Variants in PYGO1 observed in about 807,000 individuals in gnomAD.
PYGO1 encodes the protein pygopus homolog 1.
Under a neutral mutation model 29.5 loss-of-function variants are expected in PYGO1, and 6 were observed. The ratio of observed to expected loss-of-function variants is 0.20; its 90% CI spans 0.11 to 0.40. The LOEUF is 0.40. Among genes scored for constraint, PYGO1 ranks in the 10% least tolerant of loss-of-function variants. The pLI, the probability that PYGO1 is intolerant of heterozygous loss-of-function variation, is 1.00. For synonymous variants in PYGO1, 186 were observed against 180.5 expected (o/e 1.03, Z -0.24); for missense variants, 515 against 514.9 (o/e 1.00, Z 0.00).
At chr15:55,558,897 G>A (rs868773681) in intron 1 of PYGO1, among the ~76,000 whole-genome samples, 15 of 151,706 alleles carry the variant, frequency 9.9e-5, no homozygotes, top group Admixed American at 3.9e-4. Flanking sequence ...GAAAACCTAG[G>A]CAATACCATT....
chr15:55,562,377 A>G (rs1304156706), intron 1 of PYGO1, among the ~76,000 whole-genome samples: 2 of 152,222 alleles, frequency 1.3e-5, no homozygotes, highest in Non-Finnish European at 2.9e-5. Context: ...TGCTATAAAA[A>G]TACATGCACA....
chr15:55,550,330 G>A (rs1033775510), intron 1 of PYGO1, among the ~76,000 whole-genome samples: 1 of 152,104 alleles, frequency 6.6e-6, no homozygotes. Flanking sequence ...TTTTGCTAGG[G>A]TCTTCCAACG....
At chr15:55,580,068 G>A (rs1432937265) in intron 1 of PYGO1, among the ~76,000 whole-genome samples, 1 of 152,174 alleles carries the variant, frequency 6.6e-6, no homozygotes. Flanking sequence ...AGGAGAGTAG[G>A]TGGATGGTAT....
In PYGO1 at chr15:55,546,930, T is replaced by C. The variant is rs2058854493; in HGVS notation, c.353A>G (p.Tyr118Cys). 6.2e-7 allele frequency: 1 copy of C among 1,613,980 alleles called. No homozygotes were observed. Among genetic ancestry groups the C allele is most frequent in the East Asian group, 2.2e-5 (1 of 44,878 alleles). ...GTTCCTGAGTGAGTAAGGACCACAG[T>C]ATGGGGAAGACATTCTTGGGGGAAC... is the stretch of plus-strand genomic sequence containing the variant. ...PHVPPRMSSP[Y>C]CGPYSLRNQP... Residue 118 changes from tyrosine (Y) to cysteine (C), a missense_variant, in exon 3 of 3, where the codon TAC becomes TGC. Tyr to Cys is a radical substitution (Grantham distance 194). Transcript: ENST00000563719.
At chr15:55,547,872 G>A (rs936460295) in intron 2 of PYGO1, among the ~76,000 whole-genome samples, 2 of 152,124 alleles carry the variant, frequency 1.3e-5, no homozygotes, top group East Asian at 1.9e-4. Flanking sequence ...TGATTGCTTC[G>A]TGATATGCAC....
chr15:55,575,738 A>G (rs1213084524), intron 1 of PYGO1, among the ~76,000 whole-genome samples: 1 of 152,160 alleles, frequency 6.6e-6, no homozygotes. Flanking sequence ...CACTTGCAGA[A>G]ACAGACTTCT....
chr15:55,548,795 T>C (rs553788422), intron 2 of PYGO1, 115 bp downstream of exon 2: 93 of 505,744 alleles, frequency 1.8e-4, no homozygotes, highest in African/African-American at 1.3e-3. Flanking sequence ...CAATGAATGA[T>C]TAAAAGTACA....
intron 1 of PYGO1, among the ~76,000 whole-genome samples, chr15:55,583,095 C>G (rs923484262): frequency 6.6e-6 from 1 of 152,152 alleles, no homozygotes; most frequent in Non-Finnish European, 1.5e-5. Flanking sequence ...CTTTCTTTCT[C>G]CATTCTCTTT....
chr15:55,581,621 T>A (rs761888177), intron 1 of PYGO1, among the ~76,000 whole-genome samples: 1 of 152,184 alleles, frequency 6.6e-6, no homozygotes, highest in African/African-American at 2.4e-5. Flanking sequence ...TATATGTTAC[T>A]TAAGCACATA....
intron 1 of PYGO1, among the ~76,000 whole-genome samples, chr15:55,559,531 G>T (rs1055756435): frequency 6.6e-6 from 1 of 152,118 alleles, no homozygotes. Flanking sequence ...ACATGCACAC[G>T]TATGTTTACT....
chr15:55,545,922 T>C lies in PYGO1; in HGVS notation c.*101A>G. ...ATAAAAACTAAGTAAATAATGTTTT[T>C]GTGTATGCATTTAAAAAAATAATGT... On this transcript the variant is annotated 3_prime_UTR_variant, in exon 3 of 3. Transcript: ENST00000563719. 1 of 1,271,998 alleles carries C rather than the reference T, an allele frequency of 7.9e-7. No individual in the cohort carries two copies. The highest frequency in any genetic ancestry group is 1.1e-6 in the Non-Finnish European group (1 of 926,052). The allele number at this position is 1,271,998 out of a possible 1,614,324, so 78.8% of individuals were successfully genotyped here.
chr15:55,546,746 A>AT lies in PYGO1; in HGVS notation c.536dup (p.Asn179LysfsTer4). ...GAATTTGACTGAAATTTTCAGCAGG[A>AT]TTTTGTCTAAAATGTTGATTAGGCA... On this transcript the variant is annotated frameshift_variant, in exon 3 of 3. Transcript: ENST00000563719. LOFTEE classifies it high-confidence loss of function. 3 of 1,614,060 alleles carry AT rather than the reference A, an allele frequency of 1.9e-6. No individual in the cohort carries two copies.
At chr15:55,561,757 A>G (rs796934290) in intron 1 of PYGO1, among the ~76,000 whole-genome samples, 6 of 152,298 alleles carry the variant, frequency 3.9e-5, no homozygotes, top group East Asian at 1.9e-4. Context: ...AAAAACACTA[A>G]AAGAATATCT....
rs1006920851 is a variant in PYGO1 at position 55,552,363 on chromosome 15, A to G, written c.50-3368T>C. On this transcript the variant is annotated intron_variant, in intron 1 of 2. Transcript: ENST00000563719. ...GCAAAAGAGCGAGACTCTGTCTCCA[A>G]AAAAAAAAAAAAAAAAAAAAGGTAG... Among the ~76,000 whole-genome samples the G allele has an allele frequency of 1.3e-3, 134 of 105,024 alleles. 1 individual carries two copies. The highest frequency in any genetic ancestry group is 8.0e-4 in the Non-Finnish European group (51 of 63,368). 68.9% of individuals were successfully genotyped at this position (105,024 alleles called of 152,430 possible).
chr15:55,568,131 T>C (rs1035933145), intron 1 of PYGO1, among the ~76,000 whole-genome samples: 4 of 152,220 alleles, frequency 2.6e-5, no homozygotes, highest in African/African-American at 9.6e-5. Flanking sequence ...TGTAGTTTGA[T>C]AGAAATAGTG....
At position 55,548,707 on chromosome 15, in the gene PYGO1, TAAAAAAAAAAAAAAAAAAAA is replaced by T. The variant is rs60796044; in HGVS notation, c.135+183_135+202del. ...TCTGGCAACAGAGCAAGAATCCACC[TAAAAAAAAAAAAAAAAAAAA>T]AAAAAAAAAAAAAAAAAAAAAAGAA... On this transcript the variant is annotated intron_variant, in intron 2 of 2. Transcript: ENST00000563719. Among the ~76,000 whole-genome samples, 90 of 55,446 alleles carry T rather than the reference TAAAAAAAAAAAAAAAAAAAA, an allele frequency of 1.6e-3. 1 individual carries two copies. The highest frequency in any genetic ancestry group is 1.8e-3 in the East Asian group (2 of 1,130). The allele number at this position is 55,446 out of a possible 152,430, so 36.4% of individuals were successfully genotyped here. A position where few individuals can be genotyped will look rare whatever the true frequency, so the allele number is the denominator to read the frequency against.
At chr15:55,579,232 T>A (rs1427532370) in intron 1 of PYGO1, among the ~76,000 whole-genome samples, 1 of 152,182 alleles carries the variant, frequency 6.6e-6, no homozygotes, top group Non-Finnish European at 1.5e-5. Context: ...TATACCCACA[T>A]ATTGAACAGA....
chr15:55,548,496 A>T (rs1327092600), intron 2 of PYGO1, among the ~76,000 whole-genome samples: 1 of 151,746 alleles, frequency 6.6e-6, no homozygotes, highest in Admixed American at 6.6e-5. Flanking sequence ...TCACGAGGTC[A>T]AGAGATTGAG....
intron 2 of PYGO1, among the ~76,000 whole-genome samples, chr15:55,548,076 G>A (rs1006275022): frequency 2.0e-5 from 3 of 152,058 alleles, no homozygotes; most frequent in Non-Finnish European, 2.9e-5. Flanking sequence ...CTGGAGTGCA[G>A]TGGCGTGATC....
Sources: gnomAD v4.1 joint callset for allele counts (sites outside exome capture counted in the v4.1 genomes callset) on GRCh38, gnomAD v4.1.1 for gene constraint, MANE v1.5 for transcripts, NCBI Gene and HGNC (gene_info 2026-07-23, HGNC 2026-07-21) for gene names.